The following DSCAM variants were observed in gnomAD, a reference collection of about 807,000 sequenced individuals.
DSCAM encodes cell adhesion molecule DSCAM.
Under a neutral mutation model 217.7 loss-of-function variants are expected in DSCAM, and 47 were observed. The observed-to-expected ratio is 0.22, with a 90% CI of 0.17 to 0.28. The LOEUF (loss-of-function observed/expected upper bound fraction) is 0.28, where lower values mean the gene tolerates loss of function less well. Ranked by LOEUF, DSCAM falls within the 10% of genes least tolerant of loss-of-function variation. The pLI is 1.00. For missense variants in DSCAM, 2,080 were observed against 2,618.3 expected, an observed-to-expected ratio of 0.79 and a Z score of 4.49; for synonymous variants, 1,056 against 1,015.3, an observed-to-expected ratio of 1.04 and a Z score of -0.76.
At chr21:40,831,440 G>A (rs1036425671) in intron 1 of DSCAM, among the ~76,000 whole-genome samples, 3 of 152,222 alleles carry the variant, frequency 2.0e-5, no homozygotes, top group African/African-American at 7.2e-5. Context: ...CCGGTAAAAT[G>A]ATTCAGCTTC....
In DSCAM at chr21:40,377,187, G is replaced by A. The variant is rs566420716; in HGVS notation, c.509-7942C>T. On this transcript the variant is annotated intron_variant, in intron 3 of 32. Coordinates refer to ENST00000400454, the MANE Select transcript of DSCAM (RefSeq NM_001389.5). The stretch of plus-strand genomic sequence containing the variant: ...CATTTAGTTCTTACAATGACCCCAA[G>A]AGGAAGATACTGTTATTCCCATTTT... Among the ~76,000 whole-genome samples the A allele has an allele frequency of 1.2e-4, 19 of 152,314 alleles. No homozygotes were observed. In the South Asian group the frequency reaches 3.1e-3, roughly 25 times the overall value.
At chr21:40,497,520 G>T (rs1203599684) in intron 3 of DSCAM, among the ~76,000 whole-genome samples, 1 of 152,122 alleles carries the variant, frequency 6.6e-6, no homozygotes, top group African/African-American at 2.4e-5. Flanking sequence ...ATTTCAGTCA[G>T]ACAGAAAGAA....
intron 3 of DSCAM, among the ~76,000 whole-genome samples, chr21:40,477,398 C>T (rs2075946378): frequency 2.0e-5 from 3 of 152,010 alleles, no homozygotes; most frequent in Admixed American, 1.3e-4. Context: ...AAAAAGAAAA[C>T]GGTATTTTTT....
intron 1 of DSCAM, among the ~76,000 whole-genome samples, chr21:40,769,648 G>A (rs1783514542): frequency 6.6e-6 from 1 of 152,144 alleles, no homozygotes; most frequent in African/African-American, 2.4e-5. Flanking sequence ...CAGACTTTAG[G>A]CAGGCCCCTC....
intron 3 of DSCAM, among the ~76,000 whole-genome samples, chr21:40,405,468 G>A (rs914470661): frequency 2.6e-5 from 4 of 152,062 alleles, no homozygotes; most frequent in South Asian, 2.1e-4. Context: ...TATTTGACCC[G>A]AAAAGCACAG....
chr21:40,632,045 C>T (rs1445946917), intron 3 of DSCAM, among the ~76,000 whole-genome samples: 6 of 152,204 alleles, frequency 3.9e-5, no homozygotes, highest in African/African-American at 7.2e-5. Flanking sequence ...CACGCGTCCA[C>T]GCAGTTGAAG....
chr21:40,351,113 C>A lies in DSCAM; in HGVS notation c.934+2352G>T, dbSNP rs183109017. 9.2e-5 allele frequency among the ~76,000 whole-genome samples: 14 copies of A among 151,904 alleles called. No homozygotes were observed. The East Asian group carries it at 9.7e-4, about 11-fold the overall frequency. On this transcript the variant is annotated intron_variant, in intron 5 of 32. Transcript: ENST00000400454. ...TTTTGACAAATTAGGGTGAGGAAAACCCGTCATTGAAGACATTACACATGT... is the reference window on the plus strand; with the variant it reads ...TTTTGACAAATTAGGGTGAGGAAAAACCGTCATTGAAGACATTACACATGT...
intron 1 of DSCAM, among the ~76,000 whole-genome samples, chr21:40,711,897 C>T (rs896513966): frequency 6.6e-6 from 1 of 152,210 alleles, no homozygotes; most frequent in Admixed American, 6.5e-5. Flanking sequence ...CTGCATGCAA[C>T]TCTTCCTCTG....
chr21:40,485,499 C>T (rs2076020464), intron 3 of DSCAM, among the ~76,000 whole-genome samples: 1 of 152,046 alleles, frequency 6.6e-6, no homozygotes, highest in Admixed American at 6.5e-5. Context: ...GCCTCGGCCT[C>T]CCAAAGTGCT....
At chr21:40,760,463 G>T (rs966574318) in intron 1 of DSCAM, among the ~76,000 whole-genome samples, 1 of 152,208 alleles carries the variant, frequency 6.6e-6, no homozygotes, top group African/African-American at 2.4e-5. Flanking sequence ...AGTGGAATTT[G>T]TGTTTGATTC....
At chr21:40,658,695 T>A (rs901603781) in intron 3 of DSCAM, among the ~76,000 whole-genome samples, 1 of 151,464 alleles carries the variant, frequency 6.6e-6, no homozygotes, top group African/African-American at 2.4e-5. Context: ...GAAACACAAG[T>A]GAAAGAAAAT....
At chr21:40,406,244 G>T (rs185180434) in intron 3 of DSCAM, among the ~76,000 whole-genome samples, 1 of 152,198 alleles carries the variant, frequency 6.6e-6, no homozygotes, top group East Asian at 1.9e-4. Context: ...TGGTATGGAA[G>T]CTCCTCAAAA....
At chr21:40,631,695 G>C (rs1007891605) in intron 3 of DSCAM, among the ~76,000 whole-genome samples, 1 of 152,204 alleles carries the variant, frequency 6.6e-6, no homozygotes, top group Non-Finnish European at 1.5e-5. Context: ...AATGAATCTG[G>C]ATGATAGAAT....
At chr21:40,155,720 G>T (rs1025139989) in intron 16 of DSCAM, among the ~76,000 whole-genome samples, 4 of 152,090 alleles carry the variant, frequency 2.6e-5, no homozygotes, top group Non-Finnish European at 5.9e-5. Context: ...ATCCAACACC[G>T]CTGGTAAAGA....
At chr21:40,587,175 G>T (rs1007906444) in intron 3 of DSCAM, among the ~76,000 whole-genome samples, 2 of 152,084 alleles carry the variant, frequency 1.3e-5, no homozygotes, top group African/African-American at 4.8e-5. Flanking sequence ...ATATGAAAAA[G>T]GATATGTATC....
chr21:40,275,984 G>C (rs905531831), intron 11 of DSCAM, 113 bp downstream of exon 11: 10 of 1,120,462 alleles, frequency 8.9e-6, no homozygotes, highest in Non-Finnish European at 1.1e-5. Context: ...CACACCAACG[G>C]GTCTTCTTTT....
At chr21:40,437,149 A>G (rs553907796) in intron 3 of DSCAM, among the ~76,000 whole-genome samples, 1 of 152,312 alleles carries the variant, frequency 6.6e-6, no homozygotes, top group African/African-American at 2.4e-5. Context: ...TGTGAAATTA[A>G]ATGATTATTT....
At chr21:40,455,062 C>T (rs965727152) in intron 3 of DSCAM, among the ~76,000 whole-genome samples, 2 of 152,104 alleles carry the variant, frequency 1.3e-5, no homozygotes, top group African/African-American at 2.4e-5. Context: ...ATGCTTTCCC[C>T]GCTCCAAATA....
rs756751236 is a variant in DSCAM, at chr21:40,147,969, T to A, written c.3019-3238A>T. On this transcript the variant is annotated intron_variant, in intron 16 of 32. Coordinates refer to ENST00000400454, the MANE Select transcript of DSCAM (RefSeq NM_001389.5). The stretch of plus-strand genomic sequence containing the variant: ...ATTGAACTCAAGTCCCAGAAGTAGA[T>A]GACCATCTTATTTTTTAAGTCCATG... Among the ~76,000 whole-genome samples, 14 of 152,208 alleles carry A rather than the reference T, an allele frequency of 9.2e-5. 1 individual carries two copies. Among genetic ancestry groups the A allele is most frequent in the Non-Finnish European group, 1.5e-4 (10 of 68,034 alleles).
Sources: allele counts gnomAD v4.1 joint callset (sites outside exome capture counted in the v4.1 genomes callset), GRCh38; gene constraint gnomAD v4.1.1; transcripts MANE v1.5; gene names NCBI Gene and HGNC (gene_info 2026-07-23, HGNC 2026-07-21).